Variants in HIP1 observed in about 807,000 individuals in gnomAD.
HIP1 encodes the protein huntingtin-interacting protein 1.
In HIP1, 65 loss-of-function variants were observed where a neutral mutation model predicts 147.6. That is an observed-to-expected ratio of 0.44 (90% CI 0.36 to 0.54). The LOEUF is 0.54. Among genes scored for constraint, HIP1 ranks in the 20% least tolerant of loss-of-function variants. The pLI is 0.00. For missense variants in HIP1, 1,061 were observed against 1,299.6 expected, an observed-to-expected ratio of 0.82 and a Z score of 2.82; for synonymous variants, 479 against 504.0, an observed-to-expected ratio of 0.95 and a Z score of 0.67.
chr7:75,654,952 C>G (rs545387102), intron 1 of HIP1, among the ~76,000 whole-genome samples: 2 of 152,238 alleles, frequency 1.3e-5, no homozygotes, highest in Admixed American at 1.3e-4. Context: ...GAGTTCAAGA[C>G]AGCCTGGATA....
At chr7:75,617,152 G>T (rs587730992) in intron 1 of HIP1, among the ~76,000 whole-genome samples, 77 of 146,770 alleles carry the variant, frequency 5.2e-4, no homozygotes, top group Admixed American at 1.2e-3. Context: ...TCAGCTCACT[G>T]CAACCTCCGC....
chr7:75,606,318 C>T (rs1797222191), intron 1 of HIP1, among the ~76,000 whole-genome samples: 1 of 152,014 alleles, frequency 6.6e-6, no homozygotes, highest in East Asian at 1.9e-4. Context: ...ATGGTGCCTC[C>T]AAGATGATGC....
At chr7:75,594,945 C>T (rs1232251085) in intron 2 of HIP1, among the ~76,000 whole-genome samples, 1 of 152,168 alleles carries the variant, frequency 6.6e-6, no homozygotes, top group African/African-American at 2.4e-5. Context: ...GTTAGGACAA[C>T]TCTGTGCCCG....
chr7:75,706,110 G>T (rs1312017497), intron 1 of HIP1, among the ~76,000 whole-genome samples: 1 of 151,942 alleles, frequency 6.6e-6, no homozygotes, highest in Non-Finnish European at 1.5e-5. Flanking sequence ...GGCCAGGCTG[G>T]TCTCGAACTC....
At chr7:75,673,908 C>T (rs1554515672) in intron 1 of HIP1, among the ~76,000 whole-genome samples, 1 of 151,776 alleles carries the variant, frequency 6.6e-6, no homozygotes, top group African/African-American at 2.4e-5. Flanking sequence ...ATCACTTTAG[C>T]CCAGGAGGTT....
intron 1 of HIP1, among the ~76,000 whole-genome samples, chr7:75,648,030 C>T (rs1243003182): frequency 1.3e-5 from 2 of 152,204 alleles, no homozygotes; most frequent in African/African-American, 2.4e-5. Flanking sequence ...CACAGAAAGA[C>T]AGCACAGGCT....
At chr7:75,612,961 G>A (rs1453988466) in intron 1 of HIP1, among the ~76,000 whole-genome samples, 4 of 151,714 alleles carry the variant, frequency 2.6e-5, no homozygotes, top group Non-Finnish European at 5.9e-5. Context: ...AAAATTAGCT[G>A]GGCATGGTGG....
intron 1 of HIP1, among the ~76,000 whole-genome samples, chr7:75,664,849 G>A (rs1039560142): frequency 6.6e-6 from 1 of 152,096 alleles, no homozygotes; most frequent in Non-Finnish European, 1.5e-5. Flanking sequence ...TTGAACTCCT[G>A]GCCTCAAGTG....
intron 1 of HIP1, chr7:75,611,597 C>T (rs7794510): frequency 0.11 from 97,296 of 861,196 alleles, 12,634 homozygotes; most frequent in African/African-American, 0.58. Context: ...GTTCCCGCCC[C>T]GCCACAGGCC....
At position 75,555,546 on chromosome 7, in the gene HIP1, A is replaced by G. The variant is rs782207475; in HGVS notation, c.1833T>C (p.Ser611=). The G allele has an allele frequency of 1.9e-6, 3 of 1,614,034 alleles. No homozygotes were observed. Among genetic ancestry groups the G allele is most frequent in the African/African-American group, 2.7e-5 (2 of 74,924 alleles). Residue 611 remains serine (S), a synonymous_variant, in exon 19 of 31, where the codon TCT becomes TCC. Coordinates refer to ENST00000336926, the MANE Select transcript of HIP1 (RefSeq NM_005338.7). ...GTTGGTCTTTGGCAAGCTGGCACAT[A>G]GATTCCTAAAAATGGTCCAGGGAGG... ...TQLKLASTEE[S]MCQLAKDQRK...
chr7:75,664,502 ATATGTATG>A (rs1262244695), intron 1 of HIP1, among the ~76,000 whole-genome samples: 1 of 149,690 alleles, frequency 6.7e-6, no homozygotes, highest in African/African-American at 2.5e-5. Context: ...ACATACATAT[ATATGTATG>A]TGTATGTATA....
intron 1 of HIP1, among the ~76,000 whole-genome samples, chr7:75,652,215 G>A (rs1214953023): frequency 7.3e-5 from 11 of 150,268 alleles, no homozygotes; most frequent in African/African-American, 2.5e-4. Context: ...TACTCGGGAG[G>A]CTGAGGCAGG....
intron 1 of HIP1, among the ~76,000 whole-genome samples, chr7:75,632,140 T>G (rs1044329036): frequency 6.6e-6 from 1 of 152,142 alleles, no homozygotes; most frequent in Non-Finnish European, 1.5e-5. Context: ...CAATTGCAAA[T>G]GTCTATTGAT....
intron 1 of HIP1, among the ~76,000 whole-genome samples, chr7:75,650,171 CG>C (rs1798925556): frequency 6.6e-6 from 1 of 152,126 alleles, no homozygotes; most frequent in Non-Finnish European, 1.5e-5. Context: ...AGGCAGGCTG[CG>C]GGAGGCCAGC....
chr7:75,564,767 TG>T (rs1465305856), intron 9 of HIP1, among the ~76,000 whole-genome samples: 1 of 152,038 alleles, frequency 6.6e-6, no homozygotes, highest in Non-Finnish European at 1.5e-5. Context: ...GCTAATTTTT[TG>T]TGTGTTTTTG....
intron 1 of HIP1, among the ~76,000 whole-genome samples, chr7:75,646,273 G>C (rs1277100173): frequency 6.6e-6 from 1 of 152,184 alleles, no homozygotes; most frequent in African/African-American, 2.4e-5. Context: ...TTTTAGTAGA[G>C]ACGGGGTTTC....
At chr7:75,673,544 A>C (rs797038983) in intron 1 of HIP1, among the ~76,000 whole-genome samples, 1 of 152,046 alleles carries the variant, frequency 6.6e-6, no homozygotes, top group Admixed American at 6.6e-5. Flanking sequence ...GTCTTCTTTA[A>C]TTTCTTCCAA....
intron 1 of HIP1, among the ~76,000 whole-genome samples, chr7:75,693,467 C>T (rs1018625848): frequency 6.6e-6 from 1 of 152,094 alleles, no homozygotes; most frequent in Non-Finnish European, 1.5e-5. Flanking sequence ...AGTGTGCCCT[C>T]CAGGGAAAAG....
intron 23 of HIP1, 90 bp downstream of exon 23, chr7:75,548,801 A>T: frequency 9.8e-7 from 1 of 1,019,528 alleles, no homozygotes; most frequent in Non-Finnish European, 1.5e-6. Flanking sequence ...CCATGGCCTT[A>T]ATGAACGACT....
Sources: gnomAD v4.1 joint callset for allele counts (sites outside exome capture counted in the v4.1 genomes callset) on GRCh38, gnomAD v4.1.1 for gene constraint, MANE v1.5 for transcripts, NCBI Gene and HGNC (gene_info 2026-07-23, HGNC 2026-07-21) for gene names.